UNKL: variants seen among roughly 807,000 people sequenced by gnomAD.
UNKL encodes putative E3 ubiquitin-protein ligase UNKL.
In UNKL, 60 loss-of-function variants were observed where a neutral mutation model predicts 78.0. That is an observed-to-expected ratio of 0.77 (90% CI 0.63 to 0.95). The LOEUF is 0.95. UNKL is among the 40% of genes least tolerant of loss of function. The probability of loss-of-function intolerance (pLI) is 0.00; values close to 1 mark genes in which losing one functional copy is unlikely to be tolerated. For missense variants in UNKL, 1,159 were observed against 1,045.7 expected (o/e 1.11, Z -1.49); for synonymous variants, 608 against 474.8 (o/e 1.28, Z -3.65).
intron 2 of UNKL, among the ~76,000 whole-genome samples, chr16:1,404,405 A>G (rs923700289): frequency 6.6e-6 from 1 of 152,198 alleles, no homozygotes; most frequent in African/African-American, 2.4e-5. Context: ...GTCTAGCCCC[A>G]TCCTCTAAGG....
At chr16:1,386,293 C>T (rs934205994) in intron 9 of UNKL, among the ~76,000 whole-genome samples, 3 of 152,190 alleles carry the variant, frequency 2.0e-5, no homozygotes, top group Non-Finnish European at 2.9e-5. Flanking sequence ...TGGCTCACAC[C>T]TGTAATCGCA....
chr16:1,377,772 C>G (rs1414499690), intron 10 of UNKL, among the ~76,000 whole-genome samples: 1 of 152,162 alleles, frequency 6.6e-6, no homozygotes, highest in Non-Finnish European at 1.5e-5. Context: ...GGATCCCTTG[C>G]TTGTTCCCAT....
intron 9 of UNKL, among the ~76,000 whole-genome samples, chr16:1,390,417 G>A (rs1218241686): frequency 2.6e-5 from 4 of 152,300 alleles, no homozygotes; most frequent in South Asian, 2.1e-4. Context: ...GGTATAACAC[G>A]AACGTTTCAA....
At chr16:1,367,380 C>T (rs1567196382) in intron 13 of UNKL, 31 bp from the exon 14 acceptor site, 11 of 1,518,264 alleles carry the variant, frequency 7.2e-6, no homozygotes, top group Non-Finnish European at 9.7e-6. Context: ...CAGCACCCCC[C>T]ACCTCACCTG....
intron 9 of UNKL, 104 bp downstream of exon 9, chr16:1,390,528 T>A: frequency 8.0e-7 from 1 of 1,257,488 alleles, no homozygotes; most frequent in Non-Finnish European, 1.1e-6. Flanking sequence ...CAAGGATGCA[T>A]GAGCGCTGCC....
chr16:1,410,076 C>T (rs2037967729), intron 2 of UNKL, among the ~76,000 whole-genome samples: 1 of 151,982 alleles, frequency 6.6e-6, no homozygotes. Flanking sequence ...GAGAGCGAGA[C>T]TCCATCTCCA....
At chr16:1,404,042 G>A (rs184341691) in intron 2 of UNKL, among the ~76,000 whole-genome samples, 2 of 152,198 alleles carry the variant, frequency 1.3e-5, no homozygotes, top group African/African-American at 4.8e-5. Flanking sequence ...TCATAGGCAG[G>A]CAGCAGCGAC....
intron 6 of UNKL, 28 bp downstream of exon 6, chr16:1,397,150 C>G (rs936798351): frequency 2.6e-6 from 4 of 1,544,488 alleles, no homozygotes; most frequent in Admixed American, 2.0e-5. Flanking sequence ...CCAGCGACCC[C>G]TACGCCTGGG....
rs926444950 is a variant in UNKL at position 1,379,729 on chromosome 16, G to A, written c.1264+5479C>T. ...CTCCGCGCTGGCCCCGCCCCGCAAC[G>A]TGACTCGGCCCCGCCCCCGTCGCAC... On this transcript the variant is annotated intron_variant, in intron 10 of 14. Transcript: ENST00000389221. The A allele has an allele frequency of 2.3e-5, 22 of 943,156 alleles. No individual in the cohort carries two copies. The South Asian group carries it at 5.9e-4, about 25-fold the overall frequency. The allele number at this position is 943,156 out of a possible 1,614,324, so 58.4% of individuals were successfully genotyped here.
rs1183329970 is a variant in UNKL, at chr16:1,403,250, G to A, written c.382C>T (p.Arg128Cys). 22 of 1,614,068 alleles carry A rather than the reference G, an allele frequency of 1.4e-5. No homozygotes were observed. The highest frequency in any genetic ancestry group is 1.6e-5 in the Non-Finnish European group (19 of 1,180,038). Residue 128 changes from arginine to cysteine, a missense_variant, in exon 3 of 15, where the codon CGT becomes TGT. Coordinates refer to ENST00000389221, the MANE Select transcript of UNKL (RefSeq NM_001372107.1). The surrounding 1 kb of genome is among the most constrained non-coding windows in gnomAD (Gnocchi z 4.8). ...AGCCCATTCTTCACGCAGTGGCCAC[G>A]TGCGTCTGTCTCGTGGATGCAGGTT... Reference protein sequence around the residue: ...TGTCIHETDARGHCVKNGLHC... With the variant: ...TGTCIHETDACGHCVKNGLHC...
intron 7 of UNKL, among the ~76,000 whole-genome samples, chr16:1,393,222 G>A (rs2037122206): frequency 6.6e-6 from 1 of 152,180 alleles, no homozygotes; most frequent in Non-Finnish European, 1.5e-5. Context: ...AAGAATAGCT[G>A]CCCTCCCCAC....
intron 2 of UNKL, chr16:1,405,997 A>G: frequency 2.2e-6 from 1 of 456,694 alleles, no homozygotes; most frequent in Admixed American, 2.3e-5. Context: ...CCCGTGGCCC[A>G]TGTGGTCCCC....
At position 1,401,666 on chromosome 16, in the gene UNKL, T is replaced by G; in HGVS notation, c.500A>C (p.Gln167Pro). ...CGGGACCCCTTCCCCGCCGCCCAGC[T>G]GGCCGTTCTGCAAGGCTTCCTGGGC... The part of the protein sequence containing the change: ...LQAQEALQNG[Q>P]LGGGEGVPDL... Residue 167 changes from glutamine to proline, a missense_variant, in exon 4 of 15, where the codon CAG (glutamine) becomes CCG (proline). By Grantham distance (76) the Gln-to-Pro change is moderately conservative. Coordinates refer to ENST00000389221, the MANE Select transcript of UNKL (RefSeq NM_001372107.1). The G allele has an allele frequency of 6.2e-7, 1 of 1,612,088 alleles. No individual in the cohort carries two copies. Among genetic ancestry groups the G allele is most frequent in the Non-Finnish European group, 8.5e-7 (1 of 1,179,316 alleles).
In UNKL at chr16:1,364,958, C is replaced by G. The variant is rs1183808337; in HGVS notation, c.*1282G>C. ...ACATCTCCAAGGAGCTACAAAGCAC[C>G]ATTGCCTAGGACAGCTCTGAGTAAT... On this transcript the variant is annotated 3_prime_UTR_variant, in exon 15 of 15. Coordinates refer to ENST00000389221, the MANE Select transcript of UNKL (RefSeq NM_001372107.1). The G allele has an allele frequency of 6.6e-6, 1 of 152,140 alleles. No homozygotes were observed. Among genetic ancestry groups the G allele is most frequent in the Non-Finnish European group, 1.5e-5 (1 of 68,084 alleles). The allele number at this position is 152,140 out of a possible 1,614,324, so 9.4% of individuals were successfully genotyped here. A position where few individuals can be genotyped will look rare whatever the true frequency, so the allele number is the denominator to read the frequency against.
chr16:1,409,657 G>C (rs1331053560), intron 2 of UNKL, among the ~76,000 whole-genome samples: 1 of 152,094 alleles, frequency 6.6e-6, no homozygotes, highest in Non-Finnish European at 1.5e-5. Flanking sequence ...ACTGCTACTT[G>C]AGCACAGCTT....
At chr16:1,397,848 G>T (rs1317103094) in intron 5 of UNKL, among the ~76,000 whole-genome samples, 1 of 152,166 alleles carries the variant, frequency 6.6e-6, no homozygotes, top group Non-Finnish European at 1.5e-5. Context: ...GGGGGACACA[G>T]GAAAACATGG....
At chr16:1,376,951 C>A (rs548738645) in intron 10 of UNKL, among the ~76,000 whole-genome samples, 8 of 152,210 alleles carry the variant, frequency 5.3e-5, no homozygotes, top group African/African-American at 1.9e-4. Flanking sequence ...GATAAGAGGA[C>A]CTGCTGTGTT....
chr16:1,390,817 C>T, intron 8 of UNKL, 123 bp from the exon 9 acceptor site: 1 of 1,033,818 alleles, frequency 9.7e-7, no homozygotes, highest in Non-Finnish European at 1.4e-6. Flanking sequence ...ATCATCTGAG[C>T]TCAGGAGTTC....
intron 2 of UNKL, among the ~76,000 whole-genome samples, chr16:1,409,475 C>A (rs117878015): frequency 9.2e-5 from 14 of 152,146 alleles, no homozygotes; most frequent in African/African-American, 3.4e-4. Context: ...GTCATTCACA[C>A]GCTACAAACA....
Sources: gnomAD v4.1 joint callset for allele counts (sites outside exome capture counted in the v4.1 genomes callset) on GRCh38, gnomAD v4.1.1 for gene constraint, Gnocchi (gnomAD v3.1) non-coding constraint, MANE v1.5 for transcripts, NCBI Gene and HGNC (gene_info 2026-07-23, HGNC 2026-07-21) for gene names.